Variants in MYRIP observed in about 807,000 individuals in gnomAD.
MYRIP encodes rab effector MyRIP.
In MYRIP, 49 loss-of-function variants were observed where a neutral mutation model predicts 98.0. That is an observed-to-expected ratio of 0.50 (90% CI 0.40 to 0.63). The LOEUF (loss-of-function observed/expected upper bound fraction) is 0.63, where lower values mean the gene tolerates loss of function less well. MYRIP is among the 30% of genes least tolerant of loss of function. The probability of loss-of-function intolerance (pLI) is 0.00; values close to 1 mark genes in which losing one functional copy is unlikely to be tolerated. For missense variants in MYRIP, 1,004 were observed against 1,058.2 expected, an observed-to-expected ratio of 0.95 and a Z score of 0.71; for synonymous variants, 404 against 409.5, an observed-to-expected ratio of 0.99 and a Z score of 0.16.
intron 3 of MYRIP, among the ~76,000 whole-genome samples, chr3:40,094,638 T>C (rs1207582192): frequency 2.6e-5 from 4 of 152,196 alleles, no homozygotes; most frequent in African/African-American, 9.7e-5. Context: ...AGATTCTCAG[T>C]AGGTGTTTGG....
At chr3:39,816,653 C>A in intron 1 of MYRIP, among the ~76,000 whole-genome samples, 1 of 152,026 alleles carries the variant, frequency 6.6e-6, no homozygotes, top group Non-Finnish European at 1.5e-5. Context: ...TAGGGGGAGG[C>A]CGGCCCAAAT....
chr3:40,238,661 T>C, intron 12 of MYRIP: 1 of 151,956 alleles, frequency 6.6e-6, no homozygotes, highest in African/African-American at 2.4e-5. Context: ...GCTTCTGTAA[T>C]GGGGAGGGAG....
At chr3:40,057,775 G>A (rs967955214) in intron 3 of MYRIP, among the ~76,000 whole-genome samples, 2 of 152,138 alleles carry the variant, frequency 1.3e-5, no homozygotes, top group African/African-American at 4.8e-5. Flanking sequence ...TTTCTTTTGG[G>A]GTTCTTTTCC....
At chr3:39,836,710 T>C (rs1371701648) in intron 1 of MYRIP, among the ~76,000 whole-genome samples, 1 of 152,236 alleles carries the variant, frequency 6.6e-6, no homozygotes, top group Non-Finnish European at 1.5e-5. Flanking sequence ...ATGTAAAGAA[T>C]GGCAGCCGCC....
intron 2 of MYRIP, among the ~76,000 whole-genome samples, chr3:39,958,452 G>A (rs1052703287): frequency 1.3e-5 from 2 of 152,164 alleles, no homozygotes; most frequent in African/African-American, 2.4e-5. Flanking sequence ...TTAATAAATG[G>A]TGCTGGGAAA....
At chr3:39,993,461 G>A (rs1027353949) in intron 2 of MYRIP, among the ~76,000 whole-genome samples, 1 of 152,152 alleles carries the variant, frequency 6.6e-6, no homozygotes, top group African/African-American at 2.4e-5. Context: ...GCCACCCTCA[G>A]TGCCTCCCTT....
chr3:40,137,579 C>CA (rs1949807041), intron 3 of MYRIP, among the ~76,000 whole-genome samples: 1 of 152,076 alleles, frequency 6.6e-6, no homozygotes, highest in Non-Finnish European at 1.5e-5. Context: ...CAGACACAAG[C>CA]AAAAAACAGA....
At chr3:39,979,211 C>T (rs1945824004) in intron 2 of MYRIP, among the ~76,000 whole-genome samples, 1 of 152,096 alleles carries the variant, frequency 6.6e-6, no homozygotes. Context: ...CTTTGAACTC[C>T]TGGACTCAAG....
intron 1 of MYRIP, among the ~76,000 whole-genome samples, chr3:39,895,506 A>G (rs539091002): frequency 4.2e-5 from 6 of 143,626 alleles, no homozygotes; most frequent in African/African-American, 1.6e-4. Context: ...TTGCCTTTTA[A>G]TTTTATCCAT....
At chr3:39,819,176 T>C (rs1420766427) in intron 1 of MYRIP, among the ~76,000 whole-genome samples, 1 of 152,036 alleles carries the variant, frequency 6.6e-6, no homozygotes, top group Non-Finnish European at 1.5e-5. Context: ...TGGTGAAACC[T>C]CGTTTCTACT....
intron 3 of MYRIP, among the ~76,000 whole-genome samples, chr3:40,063,439 A>G (rs1250726943): frequency 6.6e-6 from 1 of 152,180 alleles, no homozygotes; most frequent in Non-Finnish European, 1.5e-5. Context: ...TTTATTACTT[A>G]TTTCTTCTAT....
At chr3:39,917,275 G>A (rs942248094) in intron 2 of MYRIP, among the ~76,000 whole-genome samples, 2 of 151,194 alleles carry the variant, frequency 1.3e-5, no homozygotes, top group African/African-American at 2.4e-5. Context: ...CTTCCTTCAC[G>A]TTACTTTAAA....
chr3:40,256,256 C>T (rs1953585354), intron 16 of MYRIP, among the ~76,000 whole-genome samples: 1 of 152,182 alleles, frequency 6.6e-6, no homozygotes, highest in Middle Eastern at 3.2e-3. Flanking sequence ...TACTCATATA[C>T]ACAACTGTCC....
At chr3:39,992,926 C>CTTCTTG (rs954522683) in intron 2 of MYRIP, among the ~76,000 whole-genome samples, 14 of 152,182 alleles carry the variant, frequency 9.2e-5, no homozygotes, top group African/African-American at 3.4e-4. Flanking sequence ...TCAGGGACCC[C>CTTCTTG]TTCTTGTTCT....
chr3:40,204,047 A>T (rs1259110835), intron 10 of MYRIP, among the ~76,000 whole-genome samples: 168 of 7,116 alleles, frequency 0.024, 11 homozygotes, highest in African/African-American at 0.052. Flanking sequence ...TATTATATAT[A>T]ATATATTTAT....
At chr3:40,048,067 T>G (rs1042385084) in intron 3 of MYRIP, among the ~76,000 whole-genome samples, 1 of 152,184 alleles carries the variant, frequency 6.6e-6, no homozygotes, top group Non-Finnish European at 1.5e-5. Context: ...CTGATTTACT[T>G]TAGACACTAC....
chr3:39,900,054 C>G (rs1943708059), intron 1 of MYRIP, among the ~76,000 whole-genome samples: 1 of 152,172 alleles, frequency 6.6e-6, no homozygotes, highest in Admixed American at 6.5e-5. Context: ...GTCCTGATGT[C>G]AGGTGATCTG....
intron 2 of MYRIP, among the ~76,000 whole-genome samples, chr3:39,941,218 G>A (rs1273106183): frequency 1.3e-5 from 2 of 152,096 alleles, no homozygotes; most frequent in Non-Finnish European, 2.9e-5. Context: ...TCAGCTTCTG[G>A]TAACACCTCA....
chr3:39,969,433 A>G (rs1178196924), intron 2 of MYRIP, among the ~76,000 whole-genome samples: 1 of 150,650 alleles, frequency 6.6e-6, no homozygotes, highest in Non-Finnish European at 1.5e-5. Flanking sequence ...GCTTTTGCCC[A>G]TTCAGTATAA....
Sources: gnomAD v4.1 joint callset for allele counts (sites outside exome capture counted in the v4.1 genomes callset) on GRCh38, gnomAD v4.1.1 for gene constraint, MANE v1.5 for transcripts, NCBI Gene and HGNC (gene_info 2026-07-23, HGNC 2026-07-21) for gene names.